Variants in PREX1 observed in about 807,000 individuals in gnomAD.
PREX1 encodes the protein phosphatidylinositol 3,4,5-trisphosphate-dependent Rac exchanger 1 protein.
PREX1 carries 41 observed loss-of-function variants against 198.3 expected under a neutral mutation model. That is an observed-to-expected ratio of 0.21 (90% CI 0.16 to 0.27). The LOEUF is 0.27. Among genes scored for constraint, PREX1 ranks in the 10% least tolerant of loss-of-function variants. PREX1 has a pLI of 1.00. For synonymous variants in PREX1, 843 were observed against 887.2 expected (o/e 0.95, Z 0.89); for missense variants, 1,620 against 2,200.7 (o/e 0.74, Z 5.28).
chr20:48,666,420 G>T lies in PREX1; in HGVS notation c.1666-65C>A. The T allele has an allele frequency of 7.2e-7, 1 of 1,382,344 alleles. No homozygotes were observed. The highest frequency in any genetic ancestry group is 1.0e-6 in the Non-Finnish European group (1 of 1,002,092). 85.6% of individuals were successfully genotyped at this position (1,382,344 alleles called of 1,614,324 possible). On this transcript the variant is annotated intron_variant, in intron 14 of 39. Coordinates refer to ENST00000371941, the MANE Select transcript of PREX1 (RefSeq NM_020820.4). The surrounding 1 kb of genome is among the most constrained non-coding windows in gnomAD (Gnocchi z 4.3). ...ATCCGAGAGGCCATGCATGGCCAAC[G>T]AGAAGCCCACAACCACCCAAGAAGG...
At chr20:48,706,440 G>A (rs1393303834) in intron 6 of PREX1, among the ~76,000 whole-genome samples, 1 of 152,132 alleles carries the variant, frequency 6.6e-6, no homozygotes, top group East Asian at 1.9e-4. Context: ...GTTTAAATTA[G>A]TCACCTCTAT....
At chr20:48,789,598 A>ATTT (rs2090328433) in intron 1 of PREX1, among the ~76,000 whole-genome samples, 1 of 152,246 alleles carries the variant, frequency 6.6e-6, no homozygotes, top group Non-Finnish European at 1.5e-5. Flanking sequence ...GCCACTTGAA[A>ATTT]TGAGTATTTT....
the PREX1 span, among the ~76,000 whole-genome samples, chr20:48,859,195 T>C: frequency 3.3e-5 from 5 of 152,246 alleles, no homozygotes; most frequent in Admixed American, 2.6e-4. Flanking sequence ...GCCACAGCAC[T>C]TGGGCCAGTA....
chr20:48,719,155 T>C (rs1346995329), intron 5 of PREX1, among the ~76,000 whole-genome samples: 1 of 152,188 alleles, frequency 6.6e-6, no homozygotes, highest in Non-Finnish European at 1.5e-5. Flanking sequence ...AGCTAAGAAG[T>C]GGAGTTGGAC....
chr20:48,815,279 C>G (rs534463128), intron 1 of PREX1, among the ~76,000 whole-genome samples: 97 of 152,288 alleles, frequency 6.4e-4, no homozygotes, highest in Non-Finnish European at 7.1e-4. Context: ...CTAACAACCA[C>G]CTTGATCCAA....
the PREX1 span, among the ~76,000 whole-genome samples, chr20:48,867,997 C>T: frequency 6.6e-6 from 1 of 151,994 alleles, no homozygotes; most frequent in Admixed American, 6.6e-5. Flanking sequence ...GCGTGAGCCA[C>T]TGTGCCACTC....
chr20:48,754,899 C>A (rs1422262212), intron 1 of PREX1, among the ~76,000 whole-genome samples: 1 of 152,136 alleles, frequency 6.6e-6, no homozygotes, highest in Non-Finnish European at 1.5e-5. Context: ...CTGCAAGCCG[C>A]CCCACACAGC....
chr20:48,740,660 TG>T (rs1205078049), intron 3 of PREX1, among the ~76,000 whole-genome samples: 11 of 152,228 alleles, frequency 7.2e-5, no homozygotes, highest in Non-Finnish European at 1.3e-4. Flanking sequence ...TGAGACAGAC[TG>T]ACTCAACCTA....
the PREX1 span, among the ~76,000 whole-genome samples, chr20:48,847,371 A>AAAAC: frequency 2.0e-5 from 3 of 149,394 alleles, no homozygotes; most frequent in African/African-American, 7.6e-5. Flanking sequence ...TTATAAAAAA[A>AAAAC]AAAAAAAAAA....
In PREX1 at chr20:48,689,924, T is replaced by C. The variant is rs377553518; in HGVS notation, c.1186+1023A>G. Among the ~76,000 whole-genome samples, 242 of 152,182 alleles carry C rather than the reference T, an allele frequency of 1.6e-3. 1 individual carries two copies. Among genetic ancestry groups the C allele is most frequent in the African/African-American group, 5.2e-3 (216 of 41,498 alleles). On this transcript the variant is annotated intron_variant, in intron 9 of 39. Transcript: ENST00000371941. ...GTAGGGAGAAGAGAGGAGAAGCGGATGGGTGTGACATATATGTGAAAGGCA... is the reference window on the plus strand; with the variant it reads ...GTAGGGAGAAGAGAGGAGAAGCGGACGGGTGTGACATATATGTGAAAGGCA...
At chr20:48,657,008 G>A in intron 18 of PREX1, 32 bp downstream of exon 18, 4 of 1,557,744 alleles carry the variant, frequency 2.6e-6, no homozygotes, top group Non-Finnish European at 3.5e-6. Context: ...TGAGAGGGAG[G>A]GCTGCCGGAC....
chr20:48,823,166 G>A (rs529655049), intron 1 of PREX1, among the ~76,000 whole-genome samples: 1 of 152,258 alleles, frequency 6.6e-6, no homozygotes, highest in South Asian at 2.1e-4. Flanking sequence ...TCGGTTCCGG[G>A]CAGACCCTCT....
chr20:48,653,448 C>G lies in PREX1; in HGVS notation c.2259G>C (p.Lys753Asn). 4.3e-6 allele frequency: 7 copies of G among 1,613,856 alleles called. No individual in the cohort carries two copies. Among genetic ancestry groups the G allele is most frequent in the Non-Finnish European group, 5.9e-6 (7 of 1,180,026 alleles). Residue 753 changes from lysine (K) to asparagine (N), a missense_variant, in exon 20 of 40, where the codon AAG becomes AAC. Lys to Asn is a moderately conservative substitution (Grantham distance 94, BLOSUM62 0). This residue lies in a region of PREX1 where 514 missense variants were observed against 611.6 expected (regional missense o/e 0.84). Transcript: ENST00000371941. The stretch of plus-strand genomic sequence containing the variant: ...CGTTCATCACGTTGCTGCCATTGAC[C>G]TTCAGAATGCACTGACCAGCACAGA... The part of the protein sequence containing the change: ...AGLCAGQCIL[K>N]VNGSNVMNDG...
the PREX1 span, among the ~76,000 whole-genome samples, chr20:48,874,870 T>A: frequency 1.8e-4 from 27 of 148,984 alleles, no homozygotes; most frequent in Middle Eastern, 3.4e-3. Context: ...GGAGTGAAAC[T>A]GTGTCTCAAA....
chr20:48,739,333 G>A (rs116169051), intron 3 of PREX1, among the ~76,000 whole-genome samples: 1 of 152,288 alleles, frequency 6.6e-6, no homozygotes, highest in African/African-American at 2.4e-5. Flanking sequence ...GGATGCCCAG[G>A]TGAATGCTCA....
At chr20:48,833,443 C>CTTTT in the PREX1 span, among the ~76,000 whole-genome samples, 1 of 122,980 alleles carries the variant, frequency 8.1e-6, no homozygotes, top group African/African-American at 3.0e-5. Flanking sequence ...TCTTTTCTTT[C>CTTTT]TTTTTTTTTT....
chr20:48,887,403 C>G, the PREX1 span, among the ~76,000 whole-genome samples: 3 of 151,538 alleles, frequency 2.0e-5, no homozygotes, highest in East Asian at 2.0e-4. Flanking sequence ...CATGGCAAAA[C>G]CTGGCCAACA....
intron 7 of PREX1, among the ~76,000 whole-genome samples, chr20:48,700,359 A>T (rs907015126): frequency 6.6e-6 from 1 of 152,222 alleles, no homozygotes; most frequent in South Asian, 2.1e-4. Flanking sequence ...CCCACGACAA[A>T]TTTAGGTGTT....
intron 15 of PREX1, 96 bp from the exon 16 acceptor site, chr20:48,660,157 G>A: frequency 6.8e-7 from 1 of 1,479,204 alleles, no homozygotes; most frequent in Non-Finnish European, 9.3e-7. Context: ...ACTAGGCCAT[G>A]GACACGTTTG....
Sources: allele counts gnomAD v4.1 joint callset (sites outside exome capture counted in the v4.1 genomes callset), GRCh38; gene constraint gnomAD v4.1.1; regional missense constraint gnomAD v4.1.1; non-coding constraint Gnocchi (gnomAD v3.1); transcripts MANE v1.5; gene names NCBI Gene and HGNC (gene_info 2026-07-23, HGNC 2026-07-21).